KIAA0319: variants seen among roughly 807,000 people sequenced by gnomAD.
KIAA0319 encodes the protein KIAA0319.
A neutral mutation model predicts 108.4 loss-of-function variants in KIAA0319; 83 were observed. That is an observed-to-expected ratio of 0.77 (90% CI 0.64 to 0.92). The LOEUF is 0.92. KIAA0319 is among the 40% of genes least tolerant of loss of function. The probability of loss-of-function intolerance (pLI) is 0.00; values close to 1 mark genes in which losing one functional copy is unlikely to be tolerated. For synonymous variants in KIAA0319, 484 were observed against 510.4 expected, an observed-to-expected ratio of 0.95 and a Z score of 0.70; for missense variants, 1,195 against 1,322.4, an observed-to-expected ratio of 0.90 and a Z score of 1.49.
At chr6:24,540,264 C>T (rs1012229862), downstream of KIAA0319, among the ~76,000 whole-genome samples, 35 of 152,182 alleles carry the variant, frequency 2.3e-4, no homozygotes, top group African/African-American at 7.7e-4. Context: ...TACTCTTATA[C>T]AACTGAGAAT....
At chr6:24,644,906 C>T (rs9461044) in intron 1 of KIAA0319, among the ~76,000 whole-genome samples, 106,938 of 152,038 alleles carry the variant, frequency 0.7, 38,172 homozygotes, top group East Asian at 0.87. Flanking sequence ...TGAACTGACA[C>T]CTCCAGTTTT....
chr6:24,609,624 G>A (rs985049805), intron 1 of KIAA0319, among the ~76,000 whole-genome samples: 1 of 151,334 alleles, frequency 6.6e-6, no homozygotes, highest in East Asian at 1.9e-4. Context: ...AGAAAAGGTA[G>A]GTTATTAAAT....
chr6:24,593,676 C>T (rs1002086941), intron 3 of KIAA0319, among the ~76,000 whole-genome samples: 1 of 151,312 alleles, frequency 6.6e-6, no homozygotes, highest in African/African-American at 2.4e-5. Flanking sequence ...GCTGGGATTA[C>T]AGGCATGAGA....
intron 19 of KIAA0319, among the ~76,000 whole-genome samples, chr6:24,553,237 T>C (rs111682510): frequency 6.7e-6 from 1 of 149,340 alleles, no homozygotes; most frequent in Non-Finnish European, 1.5e-5. Flanking sequence ...CCTTCCTCTA[T>C]TGAGACCTGT....
intron 1 of KIAA0319, chr6:24,601,423 C>A: frequency 1.8e-6 from 1 of 563,622 alleles, no homozygotes; most frequent in Non-Finnish European, 2.2e-6. Flanking sequence ...ACTCTCCTTA[C>A]AAGCTGTGGA....
At chr6:24,585,270 A>G (rs1360286085) in intron 4 of KIAA0319, among the ~76,000 whole-genome samples, 1 of 152,016 alleles carries the variant, frequency 6.6e-6, no homozygotes, top group East Asian at 1.9e-4. Flanking sequence ...GGGAAAAGTC[A>G]AGCTGGGAAC....
intron 10 of KIAA0319, among the ~76,000 whole-genome samples, chr6:24,575,820 T>C (rs1404443231): frequency 1.3e-5 from 2 of 151,438 alleles, no homozygotes; most frequent in African/African-American, 4.9e-5. Context: ...CAAAAACAAA[T>C]AGCTTTGCCA....
At chr6:24,643,438 A>T (rs1221058066) in intron 1 of KIAA0319, among the ~76,000 whole-genome samples, 1 of 152,216 alleles carries the variant, frequency 6.6e-6, no homozygotes, top group Admixed American at 6.5e-5. Context: ...AAAAAATTTT[A>T]AAAACAAATA....
rs1251280821 is a variant in KIAA0319 at position 24,601,196 on chromosome 6, T to A, written c.-93A>T. On this transcript the variant is annotated 5_prime_UTR_variant, in exon 2 of 21. Transcript: ENST00000378214. ...CTTTGATGTTTTTTAGGAGCCAGAT[T>A]TGGCCTCAAGAACTTCAAAGGAAAA... 1.3e-6 allele frequency: 2 copies of A among 1,562,832 alleles called. No individual in the cohort carries two copies. Among genetic ancestry groups the A allele is most frequent in the Non-Finnish European group, 8.7e-7 (1 of 1,153,838 alleles).
At chr6:24,572,914 G>A (rs1376533296) in intron 10 of KIAA0319, among the ~76,000 whole-genome samples, 3 of 152,136 alleles carry the variant, frequency 2.0e-5, no homozygotes, top group Non-Finnish European at 4.4e-5. Context: ...TCAGGAGTTC[G>A]AGACCAGCCT....
In KIAA0319 at chr6:24,628,019, T is replaced by A. The variant is rs142171326; in HGVS notation, c.-106+17717A>T. ...ACTGAGTAATTGTGCTAATGAAAAGTTAGACATTATTCATCATTGCTTCCA... is the reference window on the plus strand; with the variant it reads ...ACTGAGTAATTGTGCTAATGAAAAGATAGACATTATTCATCATTGCTTCCA... On this transcript the variant is annotated intron_variant, in intron 1 of 20. Coordinates refer to ENST00000378214, the MANE Select transcript of KIAA0319 (RefSeq NM_014809.4). 7.9e-5 allele frequency among the ~76,000 whole-genome samples: 12 copies of A among 152,344 alleles called. No individual in the cohort carries two copies. The East Asian group carries it at 1.9e-3, about 24-fold the overall frequency.
intron 1 of KIAA0319, among the ~76,000 whole-genome samples, chr6:24,632,451 A>C (rs1337446893): frequency 2.6e-5 from 4 of 152,230 alleles, no homozygotes; most frequent in African/African-American, 9.6e-5. Context: ...AAGGAATATA[A>C]AAGATGAAAA....
At chr6:24,610,960 C>A (rs1156407637) in intron 1 of KIAA0319, among the ~76,000 whole-genome samples, 1 of 152,032 alleles carries the variant, frequency 6.6e-6, no homozygotes, top group Non-Finnish European at 1.5e-5. Flanking sequence ...TGAAAATATA[C>A]TAACAAACAA....
At chr6:24,613,663 G>A (rs189942033) in intron 1 of KIAA0319, among the ~76,000 whole-genome samples, 21 of 149,340 alleles carry the variant, frequency 1.4e-4, no homozygotes, top group African/African-American at 5.2e-4. Flanking sequence ...AGGAGGAACA[G>A]GCAGATCATT....
At chr6:24,631,582 C>T (rs1001101066) in intron 1 of KIAA0319, among the ~76,000 whole-genome samples, 1 of 152,226 alleles carries the variant, frequency 6.6e-6, no homozygotes, top group African/African-American at 2.4e-5. Context: ...CTCCTGGAAA[C>T]ACTGTCCCTA....
At chr6:24,644,070 G>A (rs1403375212) in intron 1 of KIAA0319, among the ~76,000 whole-genome samples, 5 of 152,234 alleles carry the variant, frequency 3.3e-5, no homozygotes, top group South Asian at 2.1e-4. Flanking sequence ...TTCCTGGCCA[G>A]GGCCACTGTC....
At chr6:24,627,853 T>C (rs1169215105) in intron 1 of KIAA0319, among the ~76,000 whole-genome samples, 3 of 152,242 alleles carry the variant, frequency 2.0e-5, no homozygotes, top group African/African-American at 7.2e-5. Flanking sequence ...GAGGAATATT[T>C]GTGTGCATCA....
chr6:24,622,673 A>G (rs1201733831), intron 1 of KIAA0319, among the ~76,000 whole-genome samples: 12 of 152,196 alleles, frequency 7.9e-5, no homozygotes, highest in Admixed American at 7.9e-4. Context: ...AAACATCCTA[A>G]CATACCTAAT....
At chr6:24,609,305 A>C (rs1227098239) in intron 1 of KIAA0319, among the ~76,000 whole-genome samples, 1 of 149,636 alleles carries the variant, frequency 6.7e-6, no homozygotes, top group African/African-American at 2.5e-5. Flanking sequence ...AAAAAAAAAG[A>C]AAGTCCGGGC....
Sources: allele counts gnomAD v4.1 joint callset (sites outside exome capture counted in the v4.1 genomes callset), GRCh38; gene constraint gnomAD v4.1.1; transcripts MANE v1.5; gene names NCBI Gene and HGNC (gene_info 2026-07-23, HGNC 2026-07-21).